The following KAZN variants were observed in gnomAD, a reference collection of about 807,000 sequenced individuals.
KAZN encodes kazrin, periplakin interacting protein, also known as kazrin.
Under a neutral mutation model 87.4 loss-of-function variants are expected in KAZN, and 40 were observed. That is an observed-to-expected ratio of 0.46 (90% CI 0.36 to 0.60). The LOEUF is 0.60. KAZN is among the 20% of genes least tolerant of loss of function. The probability of loss-of-function intolerance (pLI) is 0.00; values close to 1 mark genes in which losing one functional copy is unlikely to be tolerated. For missense variants in KAZN, 898 were observed against 1,073.9 expected (o/e 0.84, Z 2.29); for synonymous variants, 466 against 458.3 (o/e 1.02, Z -0.22).
At chr1:14,206,857 C>G (rs941770087) in intron 2 of KAZN, among the ~76,000 whole-genome samples, 1 of 152,050 alleles carries the variant, frequency 6.6e-6, no homozygotes, top group Non-Finnish European at 1.5e-5. Flanking sequence ...TAACCGAGCA[C>G]TCAGGTTGCT....
At chr1:14,140,449 G>C (rs1645211315) in intron 1 of KAZN, among the ~76,000 whole-genome samples, 1 of 151,966 alleles carries the variant, frequency 6.6e-6, no homozygotes, top group Admixed American at 6.6e-5. Context: ...ACAGTTAAAC[G>C]TTAAGTCCCC....
At chr1:14,749,583 C>T (rs1055952395) in intron 1 of KAZN, among the ~76,000 whole-genome samples, 2 of 152,158 alleles carry the variant, frequency 1.3e-5, no homozygotes, top group African/African-American at 2.4e-5. Context: ...TCCTCTGGCT[C>T]GGCCTGTGGT....
At chr1:13,974,458 T>A (rs987304029) in intron 1 of KAZN, among the ~76,000 whole-genome samples, 2 of 152,220 alleles carry the variant, frequency 1.3e-5, no homozygotes, top group Admixed American at 1.3e-4. Flanking sequence ...TTTGCAGATG[T>A]AATTAATTAA....
intron 1 of KAZN, among the ~76,000 whole-genome samples, chr1:14,909,225 G>T (rs1326349391): frequency 6.6e-6 from 1 of 152,168 alleles, no homozygotes; most frequent in Non-Finnish European, 1.5e-5. Flanking sequence ...CTATACATGA[G>T]AGTTATTATT....
At chr1:14,127,456 A>G (rs1362800323) in intron 1 of KAZN, among the ~76,000 whole-genome samples, 1 of 146,336 alleles carries the variant, frequency 6.8e-6, no homozygotes, top group Non-Finnish European at 1.5e-5. Context: ...ATAAAGGTTC[A>G]CCTAACACTG....
intron 1 of KAZN, among the ~76,000 whole-genome samples, chr1:13,909,769 T>C (rs1639581936): frequency 6.6e-6 from 1 of 152,188 alleles, no homozygotes; most frequent in African/African-American, 2.4e-5. Flanking sequence ...GCTAGCCTTA[T>C]GGAAAGATTT....
chr1:13,971,362 G>A (rs536917805), intron 1 of KAZN, among the ~76,000 whole-genome samples: 3 of 152,284 alleles, frequency 2.0e-5, no homozygotes, highest in Admixed American at 1.3e-4. Flanking sequence ...ATCAGACTGT[G>A]TATGTATAGG....
intron 1 of KAZN, among the ~76,000 whole-genome samples, chr1:14,650,997 G>A (rs1638323886): frequency 6.6e-6 from 1 of 152,218 alleles, no homozygotes; most frequent in Non-Finnish European, 1.5e-5. Context: ...CCTCCGCAGT[G>A]ACTTTCCTAA....
At chr1:15,011,141 G>A (rs1420668526) in intron 2 of KAZN, among the ~76,000 whole-genome samples, 2 of 152,220 alleles carry the variant, frequency 1.3e-5, no homozygotes, top group Non-Finnish European at 2.9e-5. Context: ...CTCAGTCTTT[G>A]GAGGCAGATC....
chr1:14,175,002 G>C lies in KAZN; in HGVS notation c.92-5433G>C, dbSNP rs75842374. Among the ~76,000 whole-genome samples, 127 of 152,324 alleles carry C rather than the reference G, an allele frequency of 8.3e-4. No homozygotes were observed. The East Asian group carries it at 0.018, about 22-fold the overall frequency. ...AACTTAACATCAGTGAAGGCAGGAA[G>C]AATGTTTCTCCCACGGGAGGGTCAC... On this transcript the variant is annotated intron_variant, in intron 1 of 16. Transcript: ENST00000636203.
Position 14,949,183 on chromosome 1 carries a change from A to G in KAZN, c.227-11501A>G, listed in dbSNP as rs1299918797. On this transcript the variant is annotated intron_variant, in intron 1 of 14. Coordinates refer to ENST00000376030, the MANE Select transcript of KAZN (RefSeq NM_201628.3). This position sits in a 1 kb window ranked among gnomAD's most constrained non-coding sequence, Gnocchi z 4.3. ...TAATAATAATAATAATAATAATAAT[A>G]ATAATAAGTAATTTGTCTGTGGTTT... 2.0e-5 allele frequency among the ~76,000 whole-genome samples: 3 copies of G among 148,742 alleles called. No homozygotes were observed. The East Asian group carries it at 5.9e-4, about 29-fold the overall frequency.
intron 2 of KAZN, among the ~76,000 whole-genome samples, chr1:14,445,531 C>T (rs1666938381): frequency 6.6e-6 from 1 of 152,178 alleles, no homozygotes; most frequent in African/African-American, 2.4e-5. Flanking sequence ...CCTGCCCACA[C>T]CTTGAACCTG....
intron 1 of KAZN, among the ~76,000 whole-genome samples, chr1:14,792,374 A>C (rs1645699806): frequency 6.6e-6 from 1 of 152,206 alleles, no homozygotes; most frequent in East Asian, 1.9e-4. Flanking sequence ...TGGTCAATCC[A>C]TGCAGTGGAT....
intron 1 of KAZN, among the ~76,000 whole-genome samples, chr1:14,957,832 G>T (rs536814844): frequency 6.6e-6 from 1 of 152,324 alleles, no homozygotes; most frequent in South Asian, 2.1e-4. Context: ...GGGCGGGGAG[G>T]CTGTCGGCAC....
At chr1:14,739,398 G>A (rs1229897665) in intron 1 of KAZN, among the ~76,000 whole-genome samples, 1 of 152,024 alleles carries the variant, frequency 6.6e-6, no homozygotes, top group African/African-American at 2.4e-5. Context: ...GGAAGTACAA[G>A]CAAGAGACGG....
intron 1 of KAZN, among the ~76,000 whole-genome samples, chr1:14,867,100 T>TG (rs1405695506): frequency 3.3e-5 from 5 of 151,794 alleles, no homozygotes; most frequent in Non-Finnish European, 7.4e-5. Flanking sequence ...GGCTCGTTTT[T>TG]TCCAGGCCTC....
chr1:14,017,204 C>T (rs1454763745), intron 1 of KAZN, among the ~76,000 whole-genome samples: 1 of 152,116 alleles, frequency 6.6e-6, no homozygotes, highest in Non-Finnish European at 1.5e-5. Context: ...GCTTGGGGTC[C>T]TTTTCAACCT....
At chr1:14,872,938 A>G (rs137966731) in intron 1 of KAZN, among the ~76,000 whole-genome samples, 40 of 146,198 alleles carry the variant, frequency 2.7e-4, no homozygotes, top group Admixed American at 1.5e-3. Flanking sequence ...ATGGATGGAT[A>G]GATGGATGGA....
At chr1:14,931,652 G>C (rs1204362157) in intron 1 of KAZN, among the ~76,000 whole-genome samples, 2 of 152,116 alleles carry the variant, frequency 1.3e-5, no homozygotes, top group Non-Finnish European at 2.9e-5. Context: ...AGTACCCTGC[G>C]TAATTTTGGC....
Sources: gnomAD v4.1 joint callset for allele counts (sites outside exome capture counted in the v4.1 genomes callset) on GRCh38, gnomAD v4.1.1 for gene constraint, Gnocchi (gnomAD v3.1) non-coding constraint, MANE v1.5 for transcripts, NCBI Gene and HGNC (gene_info 2026-07-23, HGNC 2026-07-21) for gene names.